The following RAB27A variants were observed in gnomAD, a reference collection of about 807,000 sequenced individuals.
RAB27A encodes RAB27A, member RAS oncogene family, also known as ras-related protein Rab-27A.
RAB27A carries 17 observed loss-of-function variants against 20.8 expected under a neutral mutation model. That is an observed-to-expected ratio of 0.82 (90% CI 0.56 to 1.23). The LOEUF (loss-of-function observed/expected upper bound fraction) is 1.23. Ranked by LOEUF, RAB27A falls within the 50% of genes most tolerant of loss-of-function variation. The pLI, the probability that RAB27A is intolerant of heterozygous loss-of-function variation, is 0.00. For synonymous variants in RAB27A, 85 were observed against 92.8 expected (o/e 0.92, Z 0.48); for missense variants, 277 against 266.7 (o/e 1.04, Z -0.27).
chr15:55,290,853 G>A (rs79891676), upstream of RAB27A, among the ~76,000 whole-genome samples: 3 of 152,190 alleles, frequency 2.0e-5, no homozygotes, highest in African/African-American at 4.8e-5. Flanking sequence ...GTAAAATGTT[G>A]AGAAGCCTTA....
chr15:55,230,467 G>A lies in RAB27A; in HGVS notation c.173C>T (p.Pro58Leu), dbSNP rs201878183. Residue 58 changes from proline (P) to leucine (L), a missense_variant, in exon 4 of 7, where the codon CCG (proline) becomes CTG (leucine). Transcript: ENST00000336787. Reference sequence around the variant, plus strand: ...CTGGCCTCTGCCAGTGGCTCCATCCGGCCCACTGGCTCTGTACACCTAAAA... The same window carrying A: ...CTGGCCTCTGCCAGTGGCTCCATCCAGCCCACTGGCTCTGTACACCTAAAA... Reference protein sequence around the residue: ...EKRVVYRASGPDGATGRGQRI... With the variant: ...EKRVVYRASGLDGATGRGQRI... 13 of 1,613,606 alleles carry A rather than the reference G, an allele frequency of 8.1e-6. No homozygotes were observed. The highest frequency in any genetic ancestry group is 3.3e-5 in the South Asian group (3 of 91,076).
chr15:55,212,715 C>A (rs1374140688), intron 6 of RAB27A, among the ~76,000 whole-genome samples: 1 of 151,908 alleles, frequency 6.6e-6, no homozygotes, highest in Non-Finnish European at 1.5e-5. Flanking sequence ...ATTTTTAGTA[C>A]AGACGGTGTT....
chr15:55,243,703 T>C (rs1896581190), intron 2 of RAB27A, among the ~76,000 whole-genome samples: 1 of 152,154 alleles, frequency 6.6e-6, no homozygotes, highest in South Asian at 2.1e-4. Context: ...TTTTCCTTCA[T>C]TCAATAAATA....
At chr15:55,267,160 C>T (rs1897523887) in intron 2 of RAB27A, among the ~76,000 whole-genome samples, 1 of 152,186 alleles carries the variant, frequency 6.6e-6, no homozygotes, top group Non-Finnish European at 1.5e-5. Flanking sequence ...CAAATCCATT[C>T]ACTGTTTGCT....
At chr15:55,260,206 T>C (rs1897225892) in intron 2 of RAB27A, among the ~76,000 whole-genome samples, 1 of 152,180 alleles carries the variant, frequency 6.6e-6, no homozygotes, top group African/African-American at 2.4e-5. Flanking sequence ...CATATGTTAT[T>C]AGAGAATTGC....
At chr15:55,275,630 AAAAG>A (rs548686837) in intron 1 of RAB27A, among the ~76,000 whole-genome samples, 24 of 152,238 alleles carry the variant, frequency 1.6e-4, no homozygotes, top group Admixed American at 1.2e-3. Flanking sequence ...ACCTCAAAAA[AAAAG>A]AAAGAAAGAA....
intron 2 of RAB27A, among the ~76,000 whole-genome samples, chr15:55,308,412 T>C (rs913200998): frequency 1.3e-5 from 2 of 152,258 alleles, no homozygotes; most frequent in Non-Finnish European, 2.9e-5. Flanking sequence ...CTAATTCTAG[T>C]GCCCGAGTGA....
chr15:55,265,557 G>C (rs1897442585), intron 2 of RAB27A, among the ~76,000 whole-genome samples: 1 of 151,470 alleles, frequency 6.6e-6, no homozygotes, highest in South Asian at 2.1e-4. Flanking sequence ...GAAACTATAA[G>C]CAAATAATTC....
Position 55,269,480 on chromosome 15 carries a change from C to T in RAB27A, c.-23+685G>A, listed in dbSNP as rs1897629983. ...AACACTTTTAGGCCGGGCACGGTGGCTCATGCCTGTAATCCCAGCACTTTG... is the reference window on the plus strand; with the variant it reads ...AACACTTTTAGGCCGGGCACGGTGGTTCATGCCTGTAATCCCAGCACTTTG... On this transcript the variant is annotated intron_variant, in intron 2 of 6. Coordinates refer to ENST00000336787, the MANE Select transcript of RAB27A (RefSeq NM_183235.3). 2.0e-5 allele frequency among the ~76,000 whole-genome samples: 3 copies of T among 152,170 alleles called. No homozygotes were observed. The South Asian group carries it at 6.2e-4, about 32-fold the overall frequency.
intron 6 of RAB27A, among the ~76,000 whole-genome samples, chr15:55,213,898 T>A (rs1265837765): frequency 6.6e-6 from 1 of 152,234 alleles, no homozygotes; most frequent in Non-Finnish European, 1.5e-5. Context: ...TGTAATATGT[T>A]TGAATCATTC....
chr15:55,278,195 T>G (rs1897924867), intron 1 of RAB27A, among the ~76,000 whole-genome samples: 1 of 152,210 alleles, frequency 6.6e-6, no homozygotes, highest in Admixed American at 6.5e-5. Flanking sequence ...AACACACATT[T>G]TGTTTCAGGG....
At chr15:55,210,161 A>AC (rs1894932879) in intron 6 of RAB27A, among the ~76,000 whole-genome samples, 1 of 97,472 alleles carries the variant, frequency 1.0e-5, no homozygotes, top group African/African-American at 6.0e-5. Context: ...GTATACATAC[A>AC]CATACATATA....
At position 55,237,332 on chromosome 15, in the gene RAB27A, C is replaced by T. The variant is rs796522338; in HGVS notation, c.-22-2376G>A. On this transcript the variant is annotated intron_variant, in intron 2 of 6. Coordinates refer to ENST00000336787, the MANE Select transcript of RAB27A (RefSeq NM_183235.3). Reference sequence around the variant, plus strand: ...GGGACTCACCTTATGCTGAAAACTCCTGAATGCTGAGCCCCAAAAGCCACT... The same window carrying T: ...GGGACTCACCTTATGCTGAAAACTCTTGAATGCTGAGCCCCAAAAGCCACT... 29 of 152,282 alleles carry T rather than the reference C, an allele frequency of 1.9e-4. 1 individual carries two copies. The highest frequency in any genetic ancestry group is 6.7e-4 in the African/African-American group (28 of 41,544). The allele number at this position is 152,282 out of a possible 1,614,324, so 9.4% of individuals were successfully genotyped here.
At chr15:55,206,419 A>G (rs79933771) in intron 6 of RAB27A, 396 of 198,452 alleles carry the variant, frequency 2.0e-3, no homozygotes, top group African/African-American at 8.8e-3. Flanking sequence ...GCACGATCTC[A>G]GTTCCCAGGC....
upstream of RAB27A, among the ~76,000 whole-genome samples, chr15:55,293,792 C>T (rs1022248279): frequency 6.6e-5 from 10 of 152,028 alleles, no homozygotes; most frequent in Non-Finnish European, 1.2e-4. Context: ...TGGTGGGTGC[C>T]TGTAATCCCA....
Position 55,218,319 on chromosome 15 carries a change from T to G in RAB27A, c.467+5570A>C, listed in dbSNP as rs377597084. Among the ~76,000 whole-genome samples, 8 of 152,374 alleles carry G rather than the reference T, an allele frequency of 5.3e-5. No individual in the cohort carries two copies. The East Asian group carries it at 1.2e-3, about 22-fold the overall frequency. ...AGCAAATGAAATCCAGATCCTCTGC[T>G]GAGTTAAATGGAGCTCTGTGAATCA... On this transcript the variant is annotated intron_variant, in intron 6 of 6. Transcript: ENST00000336787.
intron 2 of RAB27A, among the ~76,000 whole-genome samples, chr15:55,266,283 C>G (rs561083962): frequency 1.4e-3 from 208 of 152,312 alleles, no homozygotes; most frequent in Middle Eastern, 6.8e-3. Context: ...TCTGAGCATG[C>G]TGATACCCTG....
At chr15:55,309,878 T>C (rs2055012900) in intron 2 of RAB27A, among the ~76,000 whole-genome samples, 1 of 152,080 alleles carries the variant, frequency 6.6e-6, no homozygotes, top group Non-Finnish European at 1.5e-5. Context: ...TTTTAGGTCC[T>C]TAACAATTTT....
intron 3 of RAB27A, among the ~76,000 whole-genome samples, chr15:55,232,392 G>C (rs916360960): frequency 5.9e-5 from 9 of 152,130 alleles, no homozygotes; most frequent in Non-Finnish European, 1.3e-4. Context: ...TTCTAGAATA[G>C]ACACATTATT....
Sources: gnomAD v4.1 joint callset for allele counts (sites outside exome capture counted in the v4.1 genomes callset) on GRCh38, gnomAD v4.1.1 for gene constraint, MANE v1.5 for transcripts, NCBI Gene and HGNC (gene_info 2026-07-23, HGNC 2026-07-21) for gene names.